RCOR3: variants seen among roughly 807,000 people sequenced by gnomAD.
RCOR3 encodes the protein REST corepressor 3.
Under a neutral mutation model 64.1 loss-of-function variants are expected in RCOR3, and 13 were observed. That is an observed-to-expected ratio of 0.20 (90% CI 0.13 to 0.32). The LOEUF (loss-of-function observed/expected upper bound fraction) is 0.32. Ranked by LOEUF, RCOR3 falls within the 10% of genes least tolerant of loss-of-function variation. The pLI is 1.00. For missense variants in RCOR3, 489 were observed against 701.2 expected (o/e 0.70, Z 3.42); for synonymous variants, 215 against 239.0 (o/e 0.90, Z 0.93).
chr1:211,272,519 A>G (rs1164740193), intron 3 of RCOR3, among the ~76,000 whole-genome samples: 1 of 148,112 alleles, frequency 6.8e-6, no homozygotes, highest in Non-Finnish European at 1.5e-5. Context: ...CATTGGAATC[A>G]CTTGGGGAAT....
At chr1:211,271,356 C>T in intron 3 of RCOR3, 47 bp downstream of exon 3, 1 of 1,470,554 alleles carries the variant, frequency 6.8e-7, no homozygotes, top group Non-Finnish European at 9.5e-7. Flanking sequence ...AGTTTATCAG[C>T]CAATTCAAAA....
chr1:211,286,435 G>A (rs748883628), intron 7 of RCOR3, among the ~76,000 whole-genome samples: 5 of 151,738 alleles, frequency 3.3e-5, no homozygotes, highest in Non-Finnish European at 7.4e-5. Context: ...AGCCTCCTGA[G>A]TAGCTGGGAC....
At chr1:211,276,223 A>G (rs1204829147) in intron 4 of RCOR3, 34 bp from the exon 5 acceptor site, 13 of 1,601,034 alleles carry the variant, frequency 8.1e-6, no homozygotes, top group Non-Finnish European at 1.0e-5. Flanking sequence ...ACATAAGTCC[A>G]TTAAAACCAA....
rs546939553 is a variant in RCOR3 at position 211,284,944 on chromosome 1, T to G, written c.721-4234T>G. ...TTCTGCTTCTGTTGTCAGTTAAATA[T>G]TCCTTGCTAATCCCACATTTTTTCA... is the stretch of plus-strand genomic sequence containing the variant. On this transcript the variant is annotated intron_variant, in intron 7 of 11. Transcript: ENST00000419091. Among the ~76,000 whole-genome samples, 10 of 152,326 alleles carry G rather than the reference T, an allele frequency of 6.6e-5. No individual in the cohort carries two copies. In the South Asian group the frequency reaches 8.3e-4, roughly 13 times the overall value.
chr1:211,289,273 G>A lies in RCOR3; in HGVS notation c.816G>A (p.Lys272=). The A allele has an allele frequency of 6.2e-7, 1 of 1,614,084 alleles. No homozygotes were observed. The change falls in exon 8 of 12, where the codon AAG becomes AAA. Residue 272 remains lysine, a synonymous_variant. Transcript: ENST00000419091. ...ATCGCCATCATTCTCAGCGTTCTAA[G>A]TGCCGTCCACCTAAGGGCATGTATT... The part of the protein sequence containing the change: ...LQHRHHSQRS[K]CRPPKGMYLT...
At chr1:211,272,529 T>A (rs1558054071) in intron 3 of RCOR3, among the ~76,000 whole-genome samples, 1 of 147,936 alleles carries the variant, frequency 6.8e-6, no homozygotes, top group African/African-American at 2.5e-5. Context: ...ACTTGGGGAA[T>A]TTTTTTTTTT....
At position 211,259,432 on chromosome 1, in the gene RCOR3, C is replaced by T. The variant is rs1262779496; in HGVS notation, c.-129C>T. On this transcript the variant is annotated 5_prime_UTR_variant, in exon 1 of 12. Coordinates refer to ENST00000419091, the MANE Select transcript of RCOR3 (RefSeq NM_001136223.3). ...TATGGCGGCTCCATATTAACAGCCT[C>T]CTCCTCCTCCGCCGCCGCCGCCGTC... 3 of 920,940 alleles carry T rather than the reference C, an allele frequency of 3.3e-6. No homozygotes were observed. Among genetic ancestry groups the T allele is most frequent in the African/African-American group, 1.8e-5 (1 of 56,436 alleles). The allele number at this position is 920,940 out of a possible 1,614,324, so 57.0% of individuals were successfully genotyped here. A position where few individuals can be genotyped will look rare whatever the true frequency, so the allele number is the denominator to read the frequency against.
At chr1:211,260,685 A>G (rs1463319603) in intron 2 of RCOR3, among the ~76,000 whole-genome samples, 1 of 139,740 alleles carries the variant, frequency 7.2e-6, no homozygotes, top group Non-Finnish European at 1.5e-5. Context: ...CTTTTTGGCT[A>G]GGTGGTGTAG....
At chr1:211,264,248 A>T (rs1222194694) in intron 2 of RCOR3, among the ~76,000 whole-genome samples, 1 of 152,166 alleles carries the variant, frequency 6.6e-6, no homozygotes, top group Admixed American at 6.5e-5. Flanking sequence ...ATAGCTCTAG[A>T]AGTCATTTGG....
At chr1:211,287,632 A>G (rs887578374) in intron 7 of RCOR3, among the ~76,000 whole-genome samples, 4 of 152,198 alleles carry the variant, frequency 2.6e-5, no homozygotes, top group African/African-American at 4.8e-5. Context: ...TTGTAATCCC[A>G]GCACTTTAGG....
chr1:211,259,650 C>A lies in RCOR3; in HGVS notation c.90C>A (p.Gly30=), dbSNP rs1238917913. The change falls in exon 1 of 12, where the codon GGC becomes GGA. Residue 30 remains glycine (G), a synonymous_variant. Coordinates refer to ENST00000419091, the MANE Select transcript of RCOR3 (RefSeq NM_001136223.3). ...GSAKSPAGGG[G]SGASSTNGGL... Reference sequence around the variant, plus strand: ...CCAAGAGCCCGGCAGGCGGCGGCGGCAGCGGCGCCTCGTCCACCAACGGCG... The same window carrying A: ...CCAAGAGCCCGGCAGGCGGCGGCGGAAGCGGCGCCTCGTCCACCAACGGCG... 2.6e-6 allele frequency: 4 copies of A among 1,547,204 alleles called. No individual in the cohort carries two copies. The African/African-American group carries it at 5.5e-5, about 21-fold the overall frequency.
At chr1:211,299,535 C>G (rs1189323994) in intron 9 of RCOR3, among the ~76,000 whole-genome samples, 1 of 152,048 alleles carries the variant, frequency 6.6e-6, no homozygotes, top group South Asian at 2.1e-4. Flanking sequence ...TTTTCAGCAT[C>G]GAGTAGAAGA....
At chr1:211,260,345 G>C (rs570579813) in intron 2 of RCOR3, among the ~76,000 whole-genome samples, 181 bp downstream of exon 2, 2 of 152,330 alleles carry the variant, frequency 1.3e-5, no homozygotes, top group South Asian at 4.1e-4. Context: ...GGGCAGATGT[G>C]TGCACTGCAA....
intron 10 of RCOR3, among the ~76,000 whole-genome samples, chr1:211,311,031 C>A (rs757955515): frequency 6.6e-6 from 1 of 152,156 alleles, no homozygotes; most frequent in African/African-American, 2.4e-5. Context: ...GGCACAGAGA[C>A]TCACCCTTAT....
At chr1:211,287,501 T>C (rs144147716) in intron 7 of RCOR3, among the ~76,000 whole-genome samples, 123 of 152,346 alleles carry the variant, frequency 8.1e-4, no homozygotes, top group Non-Finnish European at 9.4e-4. Flanking sequence ...ATTTTAGTAG[T>C]GCCCTACTGG....
intron 2 of RCOR3, among the ~76,000 whole-genome samples, chr1:211,267,073 A>G (rs1404140815): frequency 1.3e-5 from 2 of 152,262 alleles, no homozygotes; most frequent in Non-Finnish European, 2.9e-5. Flanking sequence ...ACTGTCTTCA[A>G]TAAGCATATA....
chr1:211,273,601 A>C (rs1696544576), intron 3 of RCOR3, among the ~76,000 whole-genome samples: 1 of 152,210 alleles, frequency 6.6e-6, no homozygotes, highest in Admixed American at 6.5e-5. Flanking sequence ...CATCATTGAA[A>C]CTGCTTATCT....
intron 2 of RCOR3, among the ~76,000 whole-genome samples, chr1:211,267,215 CACAG>C (rs759409148): frequency 1.3e-5 from 2 of 152,158 alleles, no homozygotes; most frequent in African/African-American, 2.4e-5. Context: ...AAAACTGAGG[CACAG>C]ACAGATTAAA....
At chr1:211,289,946 CT>C (rs1477242114) in intron 8 of RCOR3, among the ~76,000 whole-genome samples, 1 of 152,170 alleles carries the variant, frequency 6.6e-6, no homozygotes, top group Non-Finnish European at 1.5e-5. Context: ...TCTTTAACTT[CT>C]TTCAGCCTCA....
Sources: allele counts gnomAD v4.1 joint callset (sites outside exome capture counted in the v4.1 genomes callset), GRCh38; gene constraint gnomAD v4.1.1; transcripts MANE v1.5; gene names NCBI Gene and HGNC (gene_info 2026-07-23, HGNC 2026-07-21).